TARBP1: variants seen among roughly 807,000 people sequenced by gnomAD.
The protein encoded by TARBP1 is tRNA (guanosine(18)-2'-O)-methyltransferase TARBP1.
Under a neutral mutation model 178.6 loss-of-function variants are expected in TARBP1, and 144 were observed. The observed-to-expected ratio is 0.81, with a 90% CI of 0.70 to 0.93. The LOEUF is 0.93. Ranked by LOEUF, TARBP1 falls within the 40% of genes least tolerant of loss-of-function variation. The probability of loss-of-function intolerance (pLI) is 0.00; values close to 1 mark genes in which losing one functional copy is unlikely to be tolerated. For missense variants in TARBP1, 2,067 were observed against 2,011.7 expected, an observed-to-expected ratio of 1.03 and a Z score of -0.53; for synonymous variants, 787 against 781.0, an observed-to-expected ratio of 1.01 and a Z score of -0.13.
chr1:234,446,576 C>T (rs1666192273), intron 12 of TARBP1, among the ~76,000 whole-genome samples: 1 of 151,412 alleles, frequency 6.6e-6, no homozygotes, highest in Non-Finnish European at 1.5e-5. Context: ...CAGATGGTTG[C>T]TCCTTCACCA....
At chr1:234,406,885 C>CA (rs1487929808) in intron 23 of TARBP1, 1 of 152,252 alleles carries the variant, frequency 6.6e-6, no homozygotes, top group Non-Finnish European at 1.5e-5. Flanking sequence ...CTAAGGCTCA[C>CA]ATGGAAATGC....
At chr1:234,467,993 G>C (rs989393494) in intron 3 of TARBP1, among the ~76,000 whole-genome samples, 5 of 151,966 alleles carry the variant, frequency 3.3e-5, no homozygotes, top group African/African-American at 4.8e-5. Context: ...TGCCTAGGTT[G>C]GTCTCAAACT....
chr1:234,466,753 C>T (rs536950157), intron 4 of TARBP1, among the ~76,000 whole-genome samples: 1 of 152,048 alleles, frequency 6.6e-6, no homozygotes, highest in South Asian at 2.1e-4. Flanking sequence ...ATCCCAGCTA[C>T]TCAGGAGGCT....
At chr1:234,443,296 A>G (rs1665788525) in intron 12 of TARBP1, among the ~76,000 whole-genome samples, 1 of 151,936 alleles carries the variant, frequency 6.6e-6, no homozygotes, top group Non-Finnish European at 1.5e-5. Context: ...GTCTCAAAAA[A>G]AAAAAAAAAA....
In TARBP1 at chr1:234,478,173, C is replaced by G. The variant is rs754120356; in HGVS notation, c.931G>C (p.Gly311Arg). The G allele has an allele frequency of 3.1e-6, 5 of 1,611,560 alleles. No individual in the cohort carries two copies. Among genetic ancestry groups the G allele is most frequent in the South Asian group, 2.2e-5 (2 of 90,876 alleles). The part of the protein sequence containing the change: ...DCTCGPQEGN[G>R]PSLFWWSERK... ...GGCTGGGGGGCAAAGAGGCAGGTAC[C>G]GTTTCCTTCCTGGGGCCCGCAGGTG... The change falls in exon 1 of 30, where the codon GGC becomes CGC. Residue 311 changes from glycine (G) to arginine (R), a missense_variant and splice_region_variant. By Grantham distance (125) the Gly-to-Arg change is moderately radical (BLOSUM62 -2). Coordinates refer to ENST00000040877, the MANE Select transcript of TARBP1 (RefSeq NM_005646.4).
At chr1:234,424,305 ACC>A (rs1663462855) in intron 20 of TARBP1, among the ~76,000 whole-genome samples, 1 of 152,090 alleles carries the variant, frequency 6.6e-6, no homozygotes, top group Non-Finnish European at 1.5e-5. Context: ...GCTCAACTCT[ACC>A]CCTTCCTATC....
chr1:234,413,013 G>A (rs1003690498), intron 22 of TARBP1, among the ~76,000 whole-genome samples: 11 of 152,122 alleles, frequency 7.2e-5, no homozygotes, highest in South Asian at 6.3e-4. Context: ...CCCCCGACCC[G>A]CCGGAAAGCT....
At chr1:234,469,127 A>G (rs1668799390) in intron 3 of TARBP1, among the ~76,000 whole-genome samples, 1 of 142,450 alleles carries the variant, frequency 7.0e-6, no homozygotes, top group Non-Finnish European at 1.5e-5. Context: ...CCAACCTAAT[A>G]GCATGTACTG....
rs776928794 is a variant in TARBP1, at chr1:234,479,055, G to A, written c.49C>T (p.Arg17Trp). ...TGGCACAGCGCCCCAAGCAGGGCCCGGGGGTCCCGGCTCTGCGAGAGCAGC... is the reference window on the plus strand; with the variant it reads ...TGGCACAGCGCCCCAAGCAGGGCCCAGGGGTCCCGGCTCTGCGAGAGCAGC... The part of the protein sequence containing the change: ...EALLSQSRDP[R>W]ALLGALCQGE... Residue 17 changes from arginine (R) to tryptophan (W), a missense_variant, in exon 1 of 30, where the codon CGG becomes TGG. Coordinates refer to ENST00000040877, the MANE Select transcript of TARBP1 (RefSeq NM_005646.4). The A allele has an allele frequency of 3.2e-6, 5 of 1,539,082 alleles. No homozygotes were observed. Among genetic ancestry groups the A allele is most frequent in the African/African-American group, 1.4e-5 (1 of 70,232 alleles).
intron 24 of TARBP1, 123 bp downstream of exon 24, chr1:234,405,780 G>A (rs1398612447): frequency 9.9e-6 from 9 of 912,068 alleles, no homozygotes; most frequent in South Asian, 8.7e-5. Flanking sequence ...CCAAGCCCTC[G>A]ATGCTCCAGG....
intron 17 of TARBP1, among the ~76,000 whole-genome samples, chr1:234,428,782 G>A (rs1049368948): frequency 2.0e-5 from 3 of 152,154 alleles, no homozygotes; most frequent in African/African-American, 4.8e-5. Context: ...CTGACCTCAC[G>A]TGATCCGCCC....
rs1669895983 is a variant in TARBP1 at position 234,479,157 on chromosome 1, T to TGCGATGCGTGC, written c.-65_-55dup. ...GCTCCCAAAGGAAGGCGCCGGCGTG[T>TGCGATGCGTGC]GCGATGCGTGCGCACAGGACCGGCC... On this transcript the variant is annotated 5_prime_UTR_variant, in exon 1 of 30. Coordinates refer to ENST00000040877, the MANE Select transcript of TARBP1 (RefSeq NM_005646.4). 1 of 1,438,918 alleles carries TGCGATGCGTGC rather than the reference T, an allele frequency of 6.9e-7. No individual in the cohort carries two copies. The highest frequency in any genetic ancestry group is 9.0e-7 in the Non-Finnish European group (1 of 1,106,174). 89.1% of individuals were successfully genotyped at this position (1,438,918 alleles called of 1,614,324 possible). A position where few individuals can be genotyped will look rare whatever the true frequency, so the allele number is the denominator to read the frequency against.
chr1:234,467,279 A>T (rs1668541455), intron 4 of TARBP1, among the ~76,000 whole-genome samples: 1 of 152,236 alleles, frequency 6.6e-6, no homozygotes, highest in Non-Finnish European at 1.5e-5. Flanking sequence ...AATATCGATA[A>T]TATACAACTA....
Position 234,457,705 on chromosome 1 carries a change from C to A in TARBP1, c.1684G>T (p.Glu562Ter). The A allele has an allele frequency of 6.2e-7, 1 of 1,610,186 alleles. No individual in the cohort carries two copies. Among genetic ancestry groups the A allele is most frequent in the Non-Finnish European group, 8.5e-7 (1 of 1,177,438 alleles). The change falls in exon 9 of 30, where the codon GAG becomes TAG. Residue 562 changes from glutamate (E) to a stop codon, truncating the protein, a stop_gained. Coordinates refer to ENST00000040877, the MANE Select transcript of TARBP1 (RefSeq NM_005646.4). LOFTEE classifies it high-confidence loss of function. ...GAAGTTCCTCGTCCTAAGGATTCCT[C>A]TTGTCTCAGAGACATGAGAAAAGTT... ...VSTFLMSLRQ[E>*]ESLGRGTSLW...
intron 9 of TARBP1, among the ~76,000 whole-genome samples, chr1:234,456,733 G>C (rs1383181090): frequency 6.6e-6 from 1 of 152,224 alleles, no homozygotes; most frequent in Middle Eastern, 3.4e-3. Flanking sequence ...GCAAGTAAGA[G>C]AATACGTATA....
intron 22 of TARBP1, among the ~76,000 whole-genome samples, chr1:234,413,695 A>G (rs1167627956): frequency 6.6e-6 from 1 of 152,182 alleles, no homozygotes; most frequent in Non-Finnish European, 1.5e-5. Flanking sequence ...AGGTGGGGTC[A>G]CCTGTTGAAA....
chr1:234,421,854 T>C (rs1195984570), intron 20 of TARBP1, among the ~76,000 whole-genome samples: 1 of 152,246 alleles, frequency 6.6e-6, no homozygotes, highest in Non-Finnish European at 1.5e-5. Flanking sequence ...AAAACCATTT[T>C]CACATAGTGT....
chr1:234,447,344 C>T (rs1394856124), intron 11 of TARBP1, among the ~76,000 whole-genome samples: 2 of 53,508 alleles, frequency 3.7e-5, no homozygotes, highest in Non-Finnish European at 6.4e-5. Flanking sequence ...TTTTAAAAAT[C>T]CAAAAAAAAA....
chr1:234,452,202 T>C (rs932637532), intron 9 of TARBP1, among the ~76,000 whole-genome samples: 2 of 152,224 alleles, frequency 1.3e-5, no homozygotes, highest in African/African-American at 2.4e-5. Context: ...TAAATGGCAG[T>C]CTCTGGGTAG....
Sources: allele counts gnomAD v4.1 joint callset (sites outside exome capture counted in the v4.1 genomes callset), GRCh38; gene constraint gnomAD v4.1.1; transcripts MANE v1.5; gene names NCBI Gene and HGNC (gene_info 2026-07-23, HGNC 2026-07-21).